Variants in EVC observed in about 807,000 individuals in gnomAD.
EVC encodes the protein EvC ciliary complex subunit 1.
EVC carries 116 observed loss-of-function variants against 118.9 expected under a neutral mutation model. The ratio of observed to expected loss-of-function variants is 0.98; its 90% CI spans 0.84 to 1.14. The LOEUF (loss-of-function observed/expected upper bound fraction) is 1.14. Ranked by LOEUF, EVC falls within the 50% of genes most tolerant of loss-of-function variation. The pLI, the probability that EVC is intolerant of heterozygous loss-of-function variation, is 0.00. For missense variants in EVC, 1,401 were observed against 1,246.4 expected, an observed-to-expected ratio of 1.12 and a Z score of -1.87; for synonymous variants, 619 against 534.7, an observed-to-expected ratio of 1.16 and a Z score of -2.18.
chr4:5,773,234 C>T (rs1243381532), intron 11 of EVC, among the ~76,000 whole-genome samples: 1 of 152,196 alleles, frequency 6.6e-6, no homozygotes, highest in African/African-American at 2.4e-5. Context: ...ACTATGATCA[C>T]AGTCATGCTG....
intron 11 of EVC, among the ~76,000 whole-genome samples, chr4:5,766,156 C>G (rs1375000352): frequency 6.7e-6 from 1 of 149,180 alleles, no homozygotes; most frequent in Non-Finnish European, 1.5e-5. Context: ...TTCTCCATCA[C>G]TTATGAAGCA....
Position 5,742,134 on chromosome 4 carries a change from T to C in EVC, c.801+320T>C, listed in dbSNP as rs548421507. 1.3e-5 allele frequency among the ~76,000 whole-genome samples: 2 copies of C among 152,352 alleles called. No homozygotes were observed. The highest frequency in any genetic ancestry group is 4.8e-5 in the African/African-American group (2 of 41,592). On this transcript the variant is annotated intron_variant, in intron 6 of 20. Coordinates refer to ENST00000264956, the MANE Select transcript of EVC (RefSeq NM_153717.3). The surrounding 1 kb of genome is among the most constrained non-coding windows in gnomAD (Gnocchi z 5.2). ...TTTGTTTATTGGTTATAGCTATGTATACTACTTTGTATTCTATTCTCAGTC... is the reference window on the plus strand; with the variant it reads ...TTTGTTTATTGGTTATAGCTATGTACACTACTTTGTATTCTATTCTCAGTC...
intron 2 of EVC, among the ~76,000 whole-genome samples, chr4:5,725,979 C>T (rs772229730): frequency 1.3e-5 from 2 of 152,128 alleles, no homozygotes; most frequent in African/African-American, 2.4e-5. Context: ...GAACAGGAGC[C>T]CCTGGTGTGG....
At chr4:5,736,267 A>C (rs180844267) in intron 5 of EVC, among the ~76,000 whole-genome samples, 1 of 150,630 alleles carries the variant, frequency 6.6e-6, no homozygotes, top group African/African-American at 2.5e-5. Context: ...CATGGGGTAA[A>C]ATTGCATAGA....
At chr4:5,715,406 G>A (rs1723771618) in intron 1 of EVC, among the ~76,000 whole-genome samples, 2 of 152,164 alleles carry the variant, frequency 1.3e-5, no homozygotes, top group African/African-American at 4.8e-5. Context: ...AATCTCTAGG[G>A]ATGAGTCCAG....
chr4:5,715,884 C>T (rs951408592), intron 1 of EVC, among the ~76,000 whole-genome samples: 2 of 152,002 alleles, frequency 1.3e-5, no homozygotes, highest in Non-Finnish European at 2.9e-5. Flanking sequence ...GCTGGGACTA[C>T]AGGCATGCGC....
chr4:5,749,124 G>T lies in EVC; in HGVS notation c.1098+818G>T, dbSNP rs1729954873. ...GAGTTCTTTAACAATGCCTTTTCCTGGCCTTCACTCTGAGGTTCTAATATG... is the reference window on the plus strand; with the variant it reads ...GAGTTCTTTAACAATGCCTTTTCCTTGCCTTCACTCTGAGGTTCTAATATG... On this transcript the variant is annotated intron_variant, in intron 8 of 20. Transcript: ENST00000264956. The surrounding 1 kb of genome is among the most constrained non-coding windows in gnomAD (Gnocchi z 4.4). 6.6e-6 allele frequency among the ~76,000 whole-genome samples: 1 copy of T among 151,894 alleles called. No individual in the cohort carries two copies.
chr4:5,768,304 T>C (rs1298492728), intron 11 of EVC, among the ~76,000 whole-genome samples: 1 of 152,056 alleles, frequency 6.6e-6, no homozygotes, highest in East Asian at 1.9e-4. Flanking sequence ...CAGTGTGGTT[T>C]CCATGAGGAA....
At chr4:5,815,853 G>C (rs1183034851), downstream of EVC, among the ~76,000 whole-genome samples, 1 of 152,200 alleles carries the variant, frequency 6.6e-6, no homozygotes, top group Non-Finnish European at 1.5e-5. Flanking sequence ...GGCATTCATG[G>C]TCACCTGGTG....
the EVC span, chr4:5,824,370 A>G: frequency 1.0e-6 from 1 of 985,300 alleles, no homozygotes; most frequent in East Asian, 1.1e-4. Context: ...ATGGAGAGTG[A>G]GATGAATGGG....
At chr4:5,760,578 G>T (rs937334319) in intron 11 of EVC, among the ~76,000 whole-genome samples, 1 of 152,110 alleles carries the variant, frequency 6.6e-6, no homozygotes, top group Non-Finnish European at 1.5e-5. Flanking sequence ...TTCAGACAGA[G>T]TTTAGCTCTA....
rs747188003 is a variant in EVC, at chr4:5,802,051, G to A, written c.2406G>A (p.Glu802=). 3 of 1,614,230 alleles carry A rather than the reference G, an allele frequency of 1.9e-6. No individual in the cohort carries two copies. The South Asian group carries it at 3.3e-5, about 18-fold the overall frequency. ...ACCAGCAAATCGGAAGGATCATGGA[G>A]GACCACGAGGAGAGAAAACTGCAGC... ...AYYQQIGRIM[E]DHEERKLQHL... The change falls in exon 16 of 21, where the codon GAG becomes GAA. Residue 802 remains glutamate (E), a synonymous_variant. Coordinates refer to ENST00000264956, the MANE Select transcript of EVC (RefSeq NM_153717.3).
At position 5,809,429 on chromosome 4, in the gene EVC, C is replaced by G. The variant is rs1445330464; in HGVS notation, c.2689-89C>G. On this transcript the variant is annotated intron_variant, in intron 18 of 20. Coordinates refer to ENST00000264956, the MANE Select transcript of EVC (RefSeq NM_153717.3). ...GGAGACGTGGTCTTCAGTGGCCAGC[C>G]TCAAGTGTCAGAATTCACTCACGTG... The G allele has an allele frequency of 2.5e-6, 3 of 1,185,810 alleles. No individual in the cohort carries two copies. In the African/African-American group the frequency reaches 4.5e-5, roughly 18 times the overall value. The allele number at this position is 1,185,810 out of a possible 1,614,324, so 73.5% of individuals were successfully genotyped here.
chr4:5,796,085 G>T (rs1713907495), intron 13 of EVC, among the ~76,000 whole-genome samples: 1 of 152,062 alleles, frequency 6.6e-6, no homozygotes. Flanking sequence ...TATTTTATCA[G>T]GTGCTAAACC....
At chr4:5,828,545 T>G in the EVC span, 1 of 1,614,244 alleles carries the variant, frequency 6.2e-7, no homozygotes, top group South Asian at 1.1e-5. Context: ...TTCCGCGGAA[T>G]GAAGCGGCCC....
At chr4:5,739,925 G>A (rs1364252223) in intron 5 of EVC, among the ~76,000 whole-genome samples, 5 of 147,454 alleles carry the variant, frequency 3.4e-5, no homozygotes, top group African/African-American at 1.3e-4. Flanking sequence ...AGCCTTACCG[G>A]TTCACCAAAG....
chr4:5,807,777 T>A (rs1366962966), intron 17 of EVC, among the ~76,000 whole-genome samples: 1 of 152,228 alleles, frequency 6.6e-6, no homozygotes, highest in African/African-American at 2.4e-5. Flanking sequence ...GGTAGGCCTC[T>A]GGTCCTTTCA....
chr4:5,764,441 CT>C (rs1234308555), intron 11 of EVC, among the ~76,000 whole-genome samples: 3 of 141,184 alleles, frequency 2.1e-5, no homozygotes, highest in African/African-American at 7.9e-5. Context: ...AGGATTCCCT[CT>C]TTTTCTATTG....
intron 8 of EVC, among the ~76,000 whole-genome samples, chr4:5,751,656 C>T (rs1249785557): frequency 6.6e-6 from 1 of 152,208 alleles, no homozygotes; most frequent in Non-Finnish European, 1.5e-5. Flanking sequence ...CCCCTGTCTT[C>T]AAGGGCTCTC....
Sources: allele counts gnomAD v4.1 joint callset (sites outside exome capture counted in the v4.1 genomes callset), GRCh38; gene constraint gnomAD v4.1.1; non-coding constraint Gnocchi (gnomAD v3.1); transcripts MANE v1.5; gene names NCBI Gene and HGNC (gene_info 2026-07-23, HGNC 2026-07-21).